Variants in AGTPBP1 observed in about 807,000 individuals in gnomAD.
AGTPBP1 encodes ATP/GTP binding carboxypeptidase 1, also known as cytosolic carboxypeptidase 1.
Under a neutral mutation model 143.9 loss-of-function variants are expected in AGTPBP1, and 70 were observed. That is an observed-to-expected ratio of 0.49 (90% CI 0.40 to 0.59). The LOEUF is 0.59. Ranked by LOEUF, AGTPBP1 falls within the 20% of genes least tolerant of loss-of-function variation. The pLI is 0.00. For synonymous variants in AGTPBP1, 463 were observed against 500.2 expected, an observed-to-expected ratio of 0.93 and a Z score of 0.99; for missense variants, 1,229 against 1,464.5, an observed-to-expected ratio of 0.84 and a Z score of 2.62.
At chr9:85,577,771 TTAAG>T (rs1244283395) in intron 24 of AGTPBP1, among the ~76,000 whole-genome samples, 2 of 152,234 alleles carry the variant, frequency 1.3e-5, no homozygotes, top group African/African-American at 2.4e-5. Flanking sequence ...CTATACTTAT[TTAAG>T]TAAGTTCTAC....
intron 17 of AGTPBP1, among the ~76,000 whole-genome samples, chr9:85,600,058 CAT>C (rs1219097316): frequency 1.6e-4 from 24 of 152,162 alleles, no homozygotes; most frequent in South Asian, 6.2e-4. Context: ...GAAAATATCA[CAT>C]GTGTTAGCAC....
At chr9:85,780,598 G>C in the AGTPBP1 span, among the ~76,000 whole-genome samples, 1 of 152,022 alleles carries the variant, frequency 6.6e-6, no homozygotes, top group Non-Finnish European at 1.5e-5. Context: ...CTTACTTCTG[G>C]TGTTCTAAGG....
intron 25 of AGTPBP1, among the ~76,000 whole-genome samples, chr9:85,558,845 C>G (rs557367774): frequency 6.6e-6 from 1 of 152,252 alleles, no homozygotes; most frequent in East Asian, 1.9e-4. Flanking sequence ...TCTCAAACTC[C>G]TAGACTCAAG....
intron 8 of AGTPBP1, among the ~76,000 whole-genome samples, chr9:85,666,888 T>G (rs988285616): frequency 2.6e-5 from 4 of 152,246 alleles, no homozygotes; most frequent in Middle Eastern, 3.4e-3. Flanking sequence ...ATACACACAC[T>G]ACTACATTGC....
intron 11 of AGTPBP1, among the ~76,000 whole-genome samples, chr9:85,654,291 T>A (rs1469450593): frequency 1.3e-5 from 2 of 152,180 alleles, no homozygotes; most frequent in Non-Finnish European, 2.9e-5. Context: ...TTCTTCCCCA[T>A]ATAAATAAAC....
intron 17 of AGTPBP1, among the ~76,000 whole-genome samples, chr9:85,598,538 T>G (rs1829443214): frequency 6.6e-6 from 1 of 152,226 alleles, no homozygotes; most frequent in Admixed American, 6.5e-5. Flanking sequence ...AAATGTTTTC[T>G]AATCAAGTTG....
the AGTPBP1 span, among the ~76,000 whole-genome samples, chr9:85,779,236 G>T: frequency 1.2e-5 from 1 of 84,940 alleles, no homozygotes; most frequent in Non-Finnish European, 2.6e-5. Flanking sequence ...TATAGATATA[G>T]ATATAGATAT....
chr9:85,659,377 ATTTG>A (rs1372444260), intron 9 of AGTPBP1, among the ~76,000 whole-genome samples: 1 of 152,160 alleles, frequency 6.6e-6, no homozygotes, highest in Non-Finnish European at 1.5e-5. Flanking sequence ...AAATGCCATG[ATTTG>A]TTTAAAAATA....
intron 25 of AGTPBP1, among the ~76,000 whole-genome samples, chr9:85,566,938 A>C (rs1380201919): frequency 6.6e-6 from 1 of 152,250 alleles, no homozygotes; most frequent in Non-Finnish European, 1.5e-5. Flanking sequence ...AGTCAGAAAG[A>C]AAAGACAGAG....
chr9:85,799,859 G>T, the AGTPBP1 span, among the ~76,000 whole-genome samples: 1 of 152,122 alleles, frequency 6.6e-6, no homozygotes, highest in Non-Finnish European at 1.5e-5. Context: ...AAATGTTGAT[G>T]AGAGCCTCTG....
intron 2 of AGTPBP1, among the ~76,000 whole-genome samples, chr9:85,702,493 T>C (rs981902266): frequency 2.0e-5 from 3 of 152,174 alleles, no homozygotes; most frequent in Non-Finnish European, 2.9e-5. Flanking sequence ...CTCTTCCTGC[T>C]GACTCACAAT....
intron 25 of AGTPBP1, among the ~76,000 whole-genome samples, chr9:85,570,730 A>T (rs1315863236): frequency 6.6e-6 from 1 of 152,246 alleles, no homozygotes; most frequent in Non-Finnish European, 1.5e-5. Context: ...ATACCTAAAC[A>T]CAATGACTCA....
At chr9:85,740,431 G>A (rs1301264342) in intron 1 of AGTPBP1, among the ~76,000 whole-genome samples, 1 of 152,304 alleles carries the variant, frequency 6.6e-6, no homozygotes, top group Middle Eastern at 3.4e-3. Context: ...GGTAAGGCAC[G>A]ACTTATTATT....
intron 12 of AGTPBP1, among the ~76,000 whole-genome samples, chr9:85,643,530 T>C (rs1832628102): frequency 2.0e-5 from 3 of 152,138 alleles, no homozygotes; most frequent in African/African-American, 7.2e-5. Context: ...AGATTAATGA[T>C]GATCACACAA....
intron 3 of AGTPBP1, among the ~76,000 whole-genome samples, chr9:85,690,007 T>C (rs1835761393): frequency 2.0e-5 from 3 of 148,948 alleles, no homozygotes; most frequent in South Asian, 4.2e-4. Flanking sequence ...TTTGTTTTAG[T>C]ACACATTGCC....
rs931217001 is a variant in AGTPBP1 at position 85,677,267 on chromosome 9, C to T, written c.436+169G>A. 4.6e-5 allele frequency among the ~76,000 whole-genome samples: 7 copies of T among 152,258 alleles called. No individual in the cohort carries two copies. In the South Asian group the frequency reaches 1.0e-3, roughly 23 times the overall value. On this transcript the variant is annotated intron_variant, in intron 6 of 25. Coordinates refer to ENST00000357081, the MANE Select transcript of AGTPBP1 (RefSeq NM_001330701.2). ...TACCCAGATTTGATCATTACACATA[C>T]ATTTTTATCAAAATATCATGTGTAC...
chr9:85,720,503 T>C (rs1281895800), intron 1 of AGTPBP1, among the ~76,000 whole-genome samples: 1 of 152,224 alleles, frequency 6.6e-6, no homozygotes. Context: ...GTATCAGTGG[T>C]GATATCCCCT....
chr9:85,737,560 G>C (rs951242164), intron 1 of AGTPBP1, among the ~76,000 whole-genome samples: 2 of 152,150 alleles, frequency 1.3e-5, no homozygotes, highest in African/African-American at 4.8e-5. Flanking sequence ...TAACAAAATG[G>C]GTGGTGATAT....
At chr9:85,776,517 A>ACCTTAAATCACCTTAAATTAC in the AGTPBP1 span, among the ~76,000 whole-genome samples, 1 of 152,146 alleles carries the variant, frequency 6.6e-6, no homozygotes, top group Admixed American at 6.5e-5. Context: ...GACCTTAATC[A>ACCTTAAATCACCTTAAATTAC]CAGAGCATGG....
Sources: allele counts gnomAD v4.1 joint callset (sites outside exome capture counted in the v4.1 genomes callset), GRCh38; gene constraint gnomAD v4.1.1; transcripts MANE v1.5; gene names NCBI Gene and HGNC (gene_info 2026-07-23, HGNC 2026-07-21).